Variants in MAPKAP1 observed in about 807,000 individuals in gnomAD.
MAPKAP1 encodes the protein target of rapamycin complex 2 subunit MAPKAP1.
A neutral mutation model predicts 65.7 loss-of-function variants in MAPKAP1; 20 were observed. The ratio of observed to expected loss-of-function variants is 0.30; its 90% CI spans 0.21 to 0.44. The LOEUF (loss-of-function observed/expected upper bound fraction) is 0.44, where lower values mean the gene tolerates loss of function less well. MAPKAP1 is among the 20% of genes least tolerant of loss of function. The pLI, the probability that MAPKAP1 is intolerant of heterozygous loss-of-function variation, is 1.00. For missense variants in MAPKAP1, 423 were observed against 648.0 expected, an observed-to-expected ratio of 0.65 and a Z score of 3.77; for synonymous variants, 222 against 244.3, an observed-to-expected ratio of 0.91 and a Z score of 0.85.
intron 4 of MAPKAP1, among the ~76,000 whole-genome samples, chr9:125,604,292 A>C (rs1262670159): frequency 1.3e-5 from 2 of 152,236 alleles, no homozygotes; most frequent in Non-Finnish European, 2.9e-5. Flanking sequence ...TAAATTAGTG[A>C]CTTCACTTAG....
chr9:125,509,287 C>A (rs1191922151), intron 7 of MAPKAP1, among the ~76,000 whole-genome samples: 1 of 152,084 alleles, frequency 6.6e-6, no homozygotes, highest in Non-Finnish European at 1.5e-5. Context: ...TAAATCTAAG[C>A]AAAAAATATG....
chr9:125,657,657 A>G lies in MAPKAP1; in HGVS notation c.492T>C (p.Asp164=), dbSNP rs766505751. ...NNPFNEYSKF[D]GKGHVGTTAT... Reference sequence around the variant, plus strand: ...AAGTCTCATTTTTACTTACCTTGCCATCAAATTTGGAATACTCGTTAAAAG... The same window carrying G: ...AAGTCTCATTTTTACTTACCTTGCCGTCAAATTTGGAATACTCGTTAAAAG... Residue 164 remains aspartate (D), a synonymous_variant, in exon 4 of 12, where the codon GAT becomes GAC. Coordinates refer to ENST00000265960, the MANE Select transcript of MAPKAP1 (RefSeq NM_001006617.3). 1 of 1,603,174 alleles carries G rather than the reference A, an allele frequency of 6.2e-7. No homozygotes were observed. The highest frequency in any genetic ancestry group is 1.1e-5 in the South Asian group (1 of 88,180).
rs1491298049 is a variant in MAPKAP1 at position 125,623,705 on chromosome 9, G to GGGC, written c.498+33945_498+33946insGCC. Among the ~76,000 whole-genome samples the GGGC allele has an allele frequency of 8.6e-4, 9 of 10,490 alleles. No individual in the cohort carries two copies. The Non-Finnish European group carries it at 0.014, about 16-fold the overall frequency. 6.9% of individuals were successfully genotyped at this position (10,490 alleles called of 152,430 possible). On this transcript the variant is annotated intron_variant, in intron 4 of 11. Coordinates refer to ENST00000265960, the MANE Select transcript of MAPKAP1 (RefSeq NM_001006617.3). ...CAGCCACCCCGTCCGGGAGGGAGGT[G>GGGC]GGGGGGGGGTCAGCCCCCCGCCCGG...
At chr9:125,652,225 G>A (rs375205499) in intron 4 of MAPKAP1, 22 of 1,303,914 alleles carry the variant, frequency 1.7e-5, no homozygotes, top group Non-Finnish European at 1.9e-5. Flanking sequence ...GAAAACATTT[G>A]TTCATAATTA....
chr9:125,534,896 C>A (rs751684217), intron 7 of MAPKAP1, among the ~76,000 whole-genome samples: 17 of 152,178 alleles, frequency 1.1e-4, no homozygotes, highest in Non-Finnish European at 2.1e-4. Context: ...CATGTGCACC[C>A]AGGCCCTATA....
chr9:125,479,577 T>C (rs1403718728), intron 9 of MAPKAP1, among the ~76,000 whole-genome samples: 1 of 143,602 alleles, frequency 7.0e-6, no homozygotes, highest in Non-Finnish European at 1.5e-5. Context: ...CGAAACTCCA[T>C]CTCAAAAAAA....
intron 5 of MAPKAP1, among the ~76,000 whole-genome samples, chr9:125,576,933 GC>G (rs1184629050): frequency 6.6e-6 from 1 of 151,818 alleles, no homozygotes; most frequent in Non-Finnish European, 1.5e-5. Context: ...CCTCTGCCGG[GC>G]CGCCACCCCG....
At chr9:125,523,070 C>T (rs569591541) in intron 7 of MAPKAP1, among the ~76,000 whole-genome samples, 94 of 152,320 alleles carry the variant, frequency 6.2e-4, no homozygotes, top group Middle Eastern at 6.8e-3. Context: ...CACCAGTTAA[C>T]GTCTTCAAGG....
intron 1 of MAPKAP1, among the ~76,000 whole-genome samples, chr9:125,703,246 A>C (rs1327338730): frequency 1.3e-5 from 2 of 152,188 alleles, no homozygotes; most frequent in Non-Finnish European, 1.5e-5. Context: ...GAGACCACTG[A>C]GGAAGATGCT....
At chr9:125,621,100 C>T (rs554384949) in intron 4 of MAPKAP1, among the ~76,000 whole-genome samples, 3 of 151,840 alleles carry the variant, frequency 2.0e-5, no homozygotes, top group African/African-American at 4.8e-5. Flanking sequence ...GGTAAGGCCC[C>T]GTCTCTACCA....
intron 11 of MAPKAP1, among the ~76,000 whole-genome samples, chr9:125,440,363 C>G (rs1852434634): frequency 6.6e-6 from 1 of 152,240 alleles, no homozygotes; most frequent in Non-Finnish European, 1.5e-5. Context: ...ACACCCCTTC[C>G]TGCTCCGCAG....
intron 4 of MAPKAP1, among the ~76,000 whole-genome samples, chr9:125,632,154 A>G (rs1325471094): frequency 3.3e-5 from 5 of 150,796 alleles, no homozygotes; most frequent in Admixed American, 1.3e-4. Context: ...CCCAGGAGGA[A>G]GAGCCTGCAG....
chr9:125,519,925 T>C (rs1223988592), intron 7 of MAPKAP1, among the ~76,000 whole-genome samples: 2 of 151,972 alleles, frequency 1.3e-5, no homozygotes, highest in Non-Finnish European at 2.9e-5. Flanking sequence ...CTACAGCCTG[T>C]GGGTAGAGAA....
chr9:125,593,824 A>G (rs1832043366), intron 4 of MAPKAP1, among the ~76,000 whole-genome samples: 1 of 152,220 alleles, frequency 6.6e-6, no homozygotes, highest in Non-Finnish European at 1.5e-5. Flanking sequence ...GCACAAATGC[A>G]ACTCATGAGG....
rs1039812369 is a variant in MAPKAP1, at chr9:125,569,473, C to T, written c.672-9664G>A. 6.6e-5 allele frequency among the ~76,000 whole-genome samples: 10 copies of T among 152,276 alleles called. No homozygotes were observed. In the South Asian group the frequency reaches 1.4e-3, roughly 22 times the overall value. The stretch of plus-strand genomic sequence containing the variant: ...ACCTTGTCTATTCTTTTCTCCTCCG[C>T]GGACTATCTTAAATTTTCCTTTCTC... On this transcript the variant is annotated intron_variant, in intron 5 of 11. Coordinates refer to ENST00000265960, the MANE Select transcript of MAPKAP1 (RefSeq NM_001006617.3).
intron 8 of MAPKAP1, among the ~76,000 whole-genome samples, chr9:125,494,087 A>C (rs1376213170): frequency 6.6e-6 from 1 of 152,182 alleles, no homozygotes; most frequent in Non-Finnish European, 1.5e-5. Flanking sequence ...TCCCTCGGTA[A>C]GACTTAAAGC....
intron 5 of MAPKAP1, among the ~76,000 whole-genome samples, chr9:125,561,717 C>T (rs1830898744): frequency 6.6e-6 from 1 of 152,064 alleles, no homozygotes. Flanking sequence ...GTTTCAGTTT[C>T]CACTTCTATA....
intron 10 of MAPKAP1, among the ~76,000 whole-genome samples, chr9:125,464,900 C>T (rs1189831772): frequency 3.3e-5 from 5 of 152,208 alleles, no homozygotes; most frequent in Non-Finnish European, 4.4e-5. Context: ...CAGCGGCTTT[C>T]TCAATAAACA....
intron 4 of MAPKAP1, among the ~76,000 whole-genome samples, chr9:125,596,992 G>A (rs1020618109): frequency 2.3e-4 from 34 of 148,130 alleles, no homozygotes; most frequent in Non-Finnish European, 3.4e-4. Flanking sequence ...GGCCAGGCGC[G>A]GTGGCTTATG....
Sources: allele counts gnomAD v4.1 joint callset (sites outside exome capture counted in the v4.1 genomes callset), GRCh38; gene constraint gnomAD v4.1.1; transcripts MANE v1.5; gene names NCBI Gene and HGNC (gene_info 2026-07-23, HGNC 2026-07-21).